ACTN4: variants seen among roughly 807,000 people sequenced by gnomAD.
The protein encoded by ACTN4 is actinin alpha 4, also known as alpha-actinin-4.
Under a neutral mutation model 114.2 loss-of-function variants are expected in ACTN4, and 18 were observed. That is an observed-to-expected ratio of 0.16 (90% CI 0.11 to 0.23). The LOEUF (loss-of-function observed/expected upper bound fraction) is 0.23, where lower values mean the gene tolerates loss of function less well. Ranked by LOEUF, ACTN4 falls within the 10% of genes least tolerant of loss-of-function variation. The pLI is 1.00. For missense variants in ACTN4, 722 were observed against 1,262.9 expected (o/e 0.57, Z 6.49); for synonymous variants, 515 against 506.3 (o/e 1.02, Z -0.23).
At chr19:38,663,907 A>T (rs1976970168) in intron 1 of ACTN4, among the ~76,000 whole-genome samples, 1 of 152,176 alleles carries the variant, frequency 6.6e-6, no homozygotes, top group Non-Finnish European at 1.5e-5. Flanking sequence ...CAGCCTGCTG[A>T]TGGCCTCTTC....
chr19:38,725,921 C>T lies in ACTN4; in HGVS notation c.2190+18C>T. The T allele has an allele frequency of 6.2e-7, 1 of 1,613,224 alleles. No individual in the cohort carries two copies. The highest frequency in any genetic ancestry group is 8.5e-7 in the Non-Finnish European group (1 of 1,180,016). ...CCATGGAGGTGCGCGGCTGCCCCGC[C>T]CGCTGGCCTTTCCACCAGCATGGCC... On this transcript the variant is annotated intron_variant, in intron 17 of 20. Transcript: ENST00000252699.
intron 20 of ACTN4, 21 bp downstream of exon 20, chr19:38,729,175 G>A (rs377670083): frequency 1.4e-5 from 22 of 1,612,772 alleles, no homozygotes; most frequent in African/African-American, 2.7e-5. Flanking sequence ...CCCCTACGAG[G>A]TGCATGGGGG....
Position 38,724,802 on chromosome 19 carries a change from G to A in ACTN4, c.2010+237G>A, listed in dbSNP as rs1280161914. On this transcript the variant is annotated intron_variant, in intron 16 of 20. Transcript: ENST00000252699. This position sits in a 1 kb window ranked among gnomAD's most constrained non-coding sequence, Gnocchi z 7.0. ...GCGGATCGCTTGAGCCCAGGAGTTC[G>A]AGACCAGCCTGGGCAACATAGTGAG... is the stretch of plus-strand genomic sequence containing the variant. 1.3e-5 allele frequency among the ~76,000 whole-genome samples: 2 copies of A among 152,198 alleles called. No homozygotes were observed. The highest frequency in any genetic ancestry group is 6.5e-5 in the Admixed American group (1 of 15,288).
At chr19:38,702,418 G>C (rs1756189891) in intron 3 of ACTN4, among the ~76,000 whole-genome samples, 1 of 152,184 alleles carries the variant, frequency 6.6e-6, no homozygotes, top group African/African-American at 2.4e-5. Context: ...TTCCCGTGGG[G>C]GTGATGAGAG....
Position 38,723,724 on chromosome 19 carries a change from TGAG to T in ACTN4, c.1551+7_1551+9del, listed in dbSNP as rs1969127620. 1.2e-6 allele frequency: 2 copies of T among 1,604,634 alleles called. No individual in the cohort carries two copies. Among genetic ancestry groups the T allele is most frequent in the African/African-American group, 2.7e-5 (2 of 74,532 alleles). On this transcript the variant is annotated splice_donor_5th_base_variant and intron_variant, in intron 13 of 20. Coordinates refer to ENST00000252699, the MANE Select transcript of ACTN4 (RefSeq NM_004924.6). Reference sequence around the variant, plus strand: ...CATAGTCGCAGGGAAGCCCTGGAGGTGAGGAGGGGGTGACATCACCCACGGAGC... The same window carrying T: ...CATAGTCGCAGGGAAGCCCTGGAGGTGAGGGGGTGACATCACCCACGGAGC...
intron 11 of ACTN4, among the ~76,000 whole-genome samples, chr19:38,720,693 G>C (rs1969010017): frequency 6.6e-6 from 1 of 152,240 alleles, no homozygotes; most frequent in Non-Finnish European, 1.5e-5. Flanking sequence ...TACTGGGGCT[G>C]GCCCCATTTT....
chr19:38,687,154 C>T (rs752819666), intron 1 of ACTN4, among the ~76,000 whole-genome samples: 4 of 151,864 alleles, frequency 2.6e-5, no homozygotes, highest in African/African-American at 9.7e-5. Context: ...TTAGTAGAGA[C>T]GGCTGGTCTC....
chr19:38,705,051 C>A (rs1344560000), intron 4 of ACTN4, 31 bp downstream of exon 4: 1 of 1,593,948 alleles, frequency 6.3e-7, no homozygotes, highest in Non-Finnish European at 8.6e-7. Context: ...CCCCGCTTCC[C>A]ACCTGAGTCA....
intron 3 of ACTN4, 151 bp downstream of exon 3, chr19:38,701,272 A>G: frequency 7.5e-7 from 1 of 1,334,220 alleles, no homozygotes; most frequent in Admixed American, 2.2e-5. Flanking sequence ...TGATCACAAC[A>G]ACTGCTCTTG....
intron 8 of ACTN4, among the ~76,000 whole-genome samples, chr19:38,713,227 TTCAC>T (rs1162878414): frequency 6.6e-6 from 1 of 152,222 alleles, no homozygotes; most frequent in Non-Finnish European, 1.5e-5. Context: ...CGTTCCTTTA[TTCAC>T]TCACTCATTC....
At chr19:38,673,516 T>C (rs1279212771) in intron 1 of ACTN4, among the ~76,000 whole-genome samples, 7 of 83,336 alleles carry the variant, frequency 8.4e-5, no homozygotes, top group East Asian at 3.5e-4. Context: ...TGAATATATA[T>C]TTATATATAT....
At chr19:38,705,644 G>A (rs1178526229) in intron 4 of ACTN4, among the ~76,000 whole-genome samples, 1 of 152,236 alleles carries the variant, frequency 6.6e-6, no homozygotes, top group Non-Finnish European at 1.5e-5. Flanking sequence ...TCTACAGCTG[G>A]TATTTCACCT....
chr19:38,696,091 C>T (rs914482807), intron 1 of ACTN4, among the ~76,000 whole-genome samples: 2 of 152,172 alleles, frequency 1.3e-5, no homozygotes, highest in African/African-American at 2.4e-5. Flanking sequence ...CCAAGTGCCT[C>T]GAGCAGTGCC....
chr19:38,670,646 C>T (rs1025407783), intron 1 of ACTN4, among the ~76,000 whole-genome samples: 6 of 152,142 alleles, frequency 3.9e-5, no homozygotes, highest in East Asian at 3.9e-4. Context: ...AAAACCTGGC[C>T]GGGTACAGTG....
At chr19:38,656,821 C>G (rs1976725866) in intron 1 of ACTN4, among the ~76,000 whole-genome samples, 1 of 152,126 alleles carries the variant, frequency 6.6e-6, no homozygotes, top group East Asian at 1.9e-4. Context: ...CTGTCACTAG[C>G]TTTCTAGTGG....
chr19:38,670,308 A>G (rs1282337874), intron 1 of ACTN4, among the ~76,000 whole-genome samples: 1 of 152,232 alleles, frequency 6.6e-6, no homozygotes, highest in Non-Finnish European at 1.5e-5. Context: ...AAGCAAAGCC[A>G]GGGCAGCTCC....
At chr19:38,726,834 G>T in intron 17 of ACTN4, 123 bp from the exon 18 acceptor site, 1 of 1,398,270 alleles carries the variant, frequency 7.2e-7, no homozygotes, top group Non-Finnish European at 9.8e-7. Flanking sequence ...TCCCCTGTGA[G>T]GTGTACAGGA....
intron 3 of ACTN4, among the ~76,000 whole-genome samples, chr19:38,702,877 G>A (rs553719674): frequency 2.6e-4 from 40 of 152,320 alleles, no homozygotes; most frequent in African/African-American, 9.4e-4. Flanking sequence ...GCCTGCCCTG[G>A]AGTATTCTGC....
At chr19:38,678,352 G>C (rs1237382892) in intron 1 of ACTN4, among the ~76,000 whole-genome samples, 1 of 152,194 alleles carries the variant, frequency 6.6e-6, no homozygotes. Flanking sequence ...TCTAGGGATA[G>C]CTAAAGACCT....
Sources: gnomAD v4.1 joint callset for allele counts (sites outside exome capture counted in the v4.1 genomes callset) on GRCh38, gnomAD v4.1.1 for gene constraint, Gnocchi (gnomAD v3.1) non-coding constraint, MANE v1.5 for transcripts, NCBI Gene and HGNC (gene_info 2026-07-23, HGNC 2026-07-21) for gene names.